Variants in ASXL2 observed in about 807,000 individuals in gnomAD.
ASXL2 encodes putative Polycomb group protein ASXL2.
In ASXL2, 23 loss-of-function variants were observed where a neutral mutation model predicts 122.0. The ratio of observed to expected loss-of-function variants is 0.19; its 90% CI spans 0.14 to 0.27. ASXL2 has a LOEUF of 0.27. Ranked by LOEUF, ASXL2 falls within the 10% of genes least tolerant of loss-of-function variation. The pLI is 1.00. For synonymous variants in ASXL2, 650 were observed against 637.0 expected (o/e 1.02, Z -0.31); for missense variants, 1,518 against 1,713.8 (o/e 0.89, Z 2.02).
Position 25,771,539 on chromosome 2 carries a change from T to C in ASXL2, c.405A>G (p.Val135=). ...AGCCTGACTGCGGGGAGGACGACGA[T>C]ACTAGGGAAAAAAAAGTGACAATAA... ...EGKKSRWKRK[V]SSSSPQSGCP... Residue 135 remains valine (V), a splice_region_variant and synonymous_variant, in exon 6 of 13, where the codon GTA becomes GTG. Coordinates refer to ENST00000435504, the MANE Select transcript of ASXL2 (RefSeq NM_018263.6). The C allele has an allele frequency of 6.3e-7, 1 of 1,596,668 alleles. No individual in the cohort carries two copies.
intron 5 of ASXL2, among the ~76,000 whole-genome samples, chr2:25,775,669 T>G (rs973100585): frequency 1.4e-4 from 22 of 152,310 alleles, no homozygotes; most frequent in Non-Finnish European, 2.9e-4. Flanking sequence ...ATGATTGTTG[T>G]TTCCTGAGGC....
At chr2:25,745,006 C>T (rs1222256451) in intron 12 of ASXL2, among the ~76,000 whole-genome samples, 1 of 151,450 alleles carries the variant, frequency 6.6e-6, no homozygotes, top group Non-Finnish European at 1.5e-5. Flanking sequence ...TCAAATTACA[C>T]AGGCTTCTAG....
intron 7 of ASXL2, among the ~76,000 whole-genome samples, chr2:25,768,198 G>A (rs1407394085): frequency 6.6e-6 from 1 of 152,118 alleles, no homozygotes; most frequent in Non-Finnish European, 1.5e-5. Flanking sequence ...TGAGCCTCTT[G>A]GAAACATCAG....
intron 5 of ASXL2, among the ~76,000 whole-genome samples, chr2:25,794,402 A>C (rs1047240695): frequency 1.3e-5 from 2 of 152,232 alleles, no homozygotes; most frequent in African/African-American, 4.8e-5. Flanking sequence ...TCACTTAGCT[A>C]TGATCATAAA....
chr2:25,776,448 A>C (rs767037743), intron 5 of ASXL2, among the ~76,000 whole-genome samples: 1 of 152,206 alleles, frequency 6.6e-6, no homozygotes, highest in Non-Finnish European at 1.5e-5. Flanking sequence ...GGCTATTATG[A>C]ACAATGTTAT....
At position 25,742,130 on chromosome 2, in the gene ASXL2, G is replaced by C. The variant is rs546352636; in HGVS notation, c.4207C>G (p.Arg1403Gly). 6.2e-7 allele frequency: 1 copy of C among 1,613,988 alleles called. No homozygotes were observed. The highest frequency in any genetic ancestry group is 8.5e-7 in the Non-Finnish European group (1 of 1,179,890). ...IEGTPSKCYCRLKAMIMCKGC... is the reference protein window; with the variant it reads ...IEGTPSKCYCGLKAMIMCKGC... ...TTGCACATGATCATGGCTTTCAAGC[G>C]GCAGTAACATTTCGAAGGCGTGCCC... The change falls in exon 13 of 13, where the codon CGC becomes GGC. Residue 1403 changes from arginine (R) to glycine (G), a missense_variant. Coordinates refer to ENST00000435504, the MANE Select transcript of ASXL2 (RefSeq NM_018263.6).
At chr2:25,806,436 T>C (rs2089083631) in intron 3 of ASXL2, 99 bp from the exon 4 acceptor site, 1 of 726,198 alleles carries the variant, frequency 1.4e-6, no homozygotes, top group Admixed American at 2.5e-5. Flanking sequence ...TAGTCAATAC[T>C]CCTTTGACTT....
At chr2:25,837,031 A>C (rs1275989498) in intron 2 of ASXL2, among the ~76,000 whole-genome samples, 1 of 141,510 alleles carries the variant, frequency 7.1e-6, no homozygotes, top group Non-Finnish European at 1.5e-5. Context: ...AAGAGTCAAG[A>C]TATTACAGTT....
chr2:25,777,158 AC>A (rs547143558), intron 5 of ASXL2, among the ~76,000 whole-genome samples: 179 of 152,114 alleles, frequency 1.2e-3, no homozygotes, highest in Admixed American at 0.01. Flanking sequence ...ACATGATCGC[AC>A]CCCACTGCAG....
chr2:25,813,519 G>A (rs1412334331), intron 3 of ASXL2, among the ~76,000 whole-genome samples: 3 of 152,168 alleles, frequency 2.0e-5, no homozygotes, highest in Non-Finnish European at 2.9e-5. Context: ...TGAGTTTGGT[G>A]CTAAATGTAT....
At chr2:25,807,368 C>T (rs972417669) in intron 3 of ASXL2, among the ~76,000 whole-genome samples, 5 of 152,290 alleles carry the variant, frequency 3.3e-5, no homozygotes, top group African/African-American at 1.2e-4. Flanking sequence ...TCTCTTGGTA[C>T]TGTGAAAGTG....
chr2:25,850,275 T>C (rs2089699945), intron 1 of ASXL2, among the ~76,000 whole-genome samples: 1 of 152,226 alleles, frequency 6.6e-6, no homozygotes. Flanking sequence ...AAAACCACTT[T>C]TTTTAAACAG....
chr2:25,797,176 G>A (rs2088922578), intron 5 of ASXL2, among the ~76,000 whole-genome samples: 1 of 152,198 alleles, frequency 6.6e-6, no homozygotes, highest in Admixed American at 6.6e-5. Context: ...GATGGGCGCA[G>A]TGGCTCACAC....
intron 8 of ASXL2, among the ~76,000 whole-genome samples, chr2:25,763,305 C>T (rs1172332722): frequency 2.6e-5 from 4 of 152,026 alleles, no homozygotes; most frequent in East Asian, 1.9e-4. Context: ...GCCTGACCAA[C>T]ATGATGAAAC....
intron 1 of ASXL2, among the ~76,000 whole-genome samples, chr2:25,873,131 T>C (rs888466845): frequency 1.5e-4 from 23 of 149,398 alleles, no homozygotes; most frequent in African/African-American, 5.6e-4. Context: ...GTCCATTCCA[T>C]TGTTCTTATT....
Position 25,743,885 on chromosome 2 carries a change from C to T in ASXL2, c.2452G>A (p.Val818Ile), listed in dbSNP as rs747622600. The change falls in exon 13 of 13, where the codon GTC (valine) becomes ATC (isoleucine). Residue 818 changes from valine to isoleucine, a missense_variant. Val to Ile is a conservative substitution (Grantham distance 29). Coordinates refer to ENST00000435504, the MANE Select transcript of ASXL2 (RefSeq NM_018263.6). Reference sequence around the variant, plus strand: ...CTACTGGGCCCTTGTGGATGGCTGACAGAGGCCACTGTGGCTGTTGCTCTG... The same window carrying T: ...CTACTGGGCCCTTGTGGATGGCTGATAGAGGCCACTGTGGCTGTTGCTCTG... ...PTRATATVAS[V>I]SHPQGPSSCR... The T allele has an allele frequency of 6.2e-7, 1 of 1,614,012 alleles. No individual in the cohort carries two copies. The highest frequency in any genetic ancestry group is 8.5e-7 in the Non-Finnish European group (1 of 1,179,910).
intron 1 of ASXL2, among the ~76,000 whole-genome samples, chr2:25,867,760 T>C (rs2089921763): frequency 6.6e-6 from 1 of 152,178 alleles, no homozygotes; most frequent in African/African-American, 2.4e-5. Flanking sequence ...CACTCACAGG[T>C]TAATTAGCCA....
At chr2:25,873,576 T>C (rs2149204959) in intron 1 of ASXL2, among the ~76,000 whole-genome samples, 1 of 152,028 alleles carries the variant, frequency 6.6e-6, no homozygotes, top group East Asian at 1.9e-4. Context: ...ACAAAAGTTT[T>C]AAGTGACAAA....
chr2:25,813,322 G>C (rs1574429460), intron 3 of ASXL2, among the ~76,000 whole-genome samples: 1 of 152,136 alleles, frequency 6.6e-6, no homozygotes, highest in African/African-American at 2.4e-5. Flanking sequence ...AAATGTTTCA[G>C]ACATAAGAAT....
Sources: gnomAD v4.1 joint callset for allele counts (sites outside exome capture counted in the v4.1 genomes callset) on GRCh38, gnomAD v4.1.1 for gene constraint, MANE v1.5 for transcripts, NCBI Gene and HGNC (gene_info 2026-07-23, HGNC 2026-07-21) for gene names.